XPO6: variants seen among roughly 807,000 people sequenced by gnomAD.
XPO6 encodes exportin 6.
Under a neutral mutation model 130.0 loss-of-function variants are expected in XPO6, and 3 were observed. The ratio of observed to expected loss-of-function variants is 0.02; its 90% CI spans 0.01 to 0.06. The LOEUF (loss-of-function observed/expected upper bound fraction) is 0.06, where lower values mean the gene tolerates loss of function less well. Among genes scored for constraint, XPO6 ranks in the 10% least tolerant of loss-of-function variants. XPO6 has a pLI of 1.00. For synonymous variants in XPO6, 524 were observed against 548.9 expected, an observed-to-expected ratio of 0.95 and a Z score of 0.63; for missense variants, 970 against 1,393.0, an observed-to-expected ratio of 0.70 and a Z score of 4.83.
chr16:28,207,114 G>A (rs547256185), intron 1 of XPO6, among the ~76,000 whole-genome samples: 2 of 152,194 alleles, frequency 1.3e-5, no homozygotes, highest in African/African-American at 4.8e-5. Flanking sequence ...CGGGTATGGT[G>A]GTGGGTGCCT....
chr16:28,188,625 A>C lies in XPO6; in HGVS notation c.4-7594T>G, dbSNP rs1328824583. On this transcript the variant is annotated intron_variant, in intron 1 of 23. Coordinates refer to ENST00000304658, the MANE Select transcript of XPO6 (RefSeq NM_015171.4). ...GCTAACAGGATTACCATAGATGTCT[A>C]AACTCTCAGATCATCACTCTCACTT... Among the ~76,000 whole-genome samples, 9 of 134,732 alleles carry C rather than the reference A, an allele frequency of 6.7e-5. 1 individual carries two copies. In the Admixed American group the frequency reaches 7.9e-4, roughly 12 times the overall value. The allele number at this position is 134,732 out of a possible 152,430, so 88.4% of individuals were successfully genotyped here. A position where few individuals can be genotyped will look rare whatever the true frequency, so the allele number is the denominator to read the frequency against.
intron 7 of XPO6, chr16:28,154,087 G>A: frequency 1.0e-6 from 1 of 985,162 alleles, no homozygotes; most frequent in Non-Finnish European, 1.2e-6. Context: ...TTAGAGACAG[G>A]AACATACAAA....
At chr16:28,130,267 C>A (rs867207389) in intron 12 of XPO6, among the ~76,000 whole-genome samples, 3 of 152,214 alleles carry the variant, frequency 2.0e-5, no homozygotes, top group Non-Finnish European at 4.4e-5. Flanking sequence ...CAGGAGTAGA[C>A]AAGAATCGCG....
intron 1 of XPO6, among the ~76,000 whole-genome samples, chr16:28,202,790 G>C (rs2043972758): frequency 6.6e-6 from 1 of 152,118 alleles, no homozygotes; most frequent in Non-Finnish European, 1.5e-5. Context: ...TGAAGCCATG[G>C]GAGGCTAAAC....
At chr16:28,118,528 T>C (rs898257019) in intron 14 of XPO6, among the ~76,000 whole-genome samples, 1 of 152,102 alleles carries the variant, frequency 6.6e-6, no homozygotes, top group African/African-American at 2.4e-5. Flanking sequence ...GCCAGGCTAA[T>C]TGTCGTATTT....
chr16:28,175,075 T>C (rs1003763881), intron 4 of XPO6, among the ~76,000 whole-genome samples: 3 of 152,112 alleles, frequency 2.0e-5, no homozygotes, highest in Non-Finnish European at 4.4e-5. Context: ...CCCAAATTCA[T>C]TCCCCTTCTT....
intron 1 of XPO6, among the ~76,000 whole-genome samples, chr16:28,181,686 A>G (rs2043618941): frequency 6.6e-6 from 1 of 152,066 alleles, no homozygotes. Context: ...CTGGCCATGG[A>G]TTCTTGGAGG....
At chr16:28,186,371 A>ATTTTTTT (rs1237138991) in intron 1 of XPO6, among the ~76,000 whole-genome samples, 4 of 10,134 alleles carry the variant, frequency 3.9e-4, no homozygotes, top group African/African-American at 1.2e-3. Flanking sequence ...TGCCCCAGTT[A>ATTTTTTT]TTCTTTTTTT....
intron 2 of XPO6, among the ~76,000 whole-genome samples, chr16:28,179,594 C>T (rs1351752802): frequency 6.6e-6 from 1 of 152,104 alleles, no homozygotes. Flanking sequence ...CACATGGTCT[C>T]GAGGTCCCTG....
rs769794809 is a variant in XPO6 at position 28,177,336 on chromosome 16, GA to G, written c.95-5del. 1 of 1,596,088 alleles carries G rather than the reference GA, an allele frequency of 6.3e-7. No individual in the cohort carries two copies. Among genetic ancestry groups the G allele is most frequent in the Non-Finnish European group, 8.6e-7 (1 of 1,168,258 alleles). ...GCAAAGTTATTAAGAAGCTCCTCTGGAAAAGTTAAATGGCAACAAAAGAAAG... is the reference window on the plus strand; with the variant it reads ...GCAAAGTTATTAAGAAGCTCCTCTGGAAAGTTAAATGGCAACAAAAGAAAG... On this transcript the variant is annotated splice_region_variant and splice_polypyrimidine_tract_variant and intron_variant, in intron 2 of 23. Transcript: ENST00000304658.
intron 12 of XPO6, among the ~76,000 whole-genome samples, chr16:28,126,420 G>A (rs1314531335): frequency 6.6e-6 from 1 of 152,056 alleles, no homozygotes; most frequent in Non-Finnish European, 1.5e-5. Flanking sequence ...AAGAGTATGG[G>A]ACTTGGATTC....
chr16:28,160,184 TAA>T (rs56947792), intron 6 of XPO6, among the ~76,000 whole-genome samples: 2,341 of 76,122 alleles, frequency 0.031, 90 homozygotes, highest in African/African-American at 0.064. Context: ...GCCTCCGTCT[TAA>T]AAAAAAAAAA....
At chr16:28,104,488 T>C in intron 21 of XPO6, 58 bp downstream of exon 21, 1 of 1,590,166 alleles carries the variant, frequency 6.3e-7, no homozygotes, top group Non-Finnish European at 8.6e-7. Context: ...AAGACAGGAC[T>C]CGCTGCAGTG....
intron 1 of XPO6, among the ~76,000 whole-genome samples, chr16:28,188,147 C>T (rs1369075323): frequency 6.6e-6 from 1 of 152,014 alleles, no homozygotes; most frequent in African/African-American, 2.4e-5. Flanking sequence ...TGCTATGTTG[C>T]CCAAGCTAGT....
Position 28,191,397 on chromosome 16 carries a change from C to T in XPO6, c.4-10366G>A, listed in dbSNP as rs75762854. On this transcript the variant is annotated intron_variant, in intron 1 of 23. Transcript: ENST00000304658. ...TTCACAGTCCCATCTGCTTCCCTTTCCCAGGTACATATCCCAGGAGGATGG... is the reference window on the plus strand; with the variant it reads ...TTCACAGTCCCATCTGCTTCCCTTTTCCAGGTACATATCCCAGGAGGATGG... Among the ~76,000 whole-genome samples the T allele has an allele frequency of 5.3e-4, 80 of 152,328 alleles. 1 individual carries two copies. The East Asian group carries it at 0.015, about 28-fold the overall frequency.
chr16:28,154,071 C>T (rs896357457), intron 7 of XPO6: 17 of 985,280 alleles, frequency 1.7e-5, no homozygotes, highest in Non-Finnish European at 1.9e-5. Context: ...CTAAAATCAA[C>T]TGTTTTTAGA....
chr16:28,177,363 C>T, intron 2 of XPO6, 31 bp from the exon 3 acceptor site: 1 of 1,364,536 alleles, frequency 7.3e-7, no homozygotes. Context: ...CAAAAGAAAG[C>T]TATGAAAATA....
chr16:28,113,364 G>T (rs750201067), intron 15 of XPO6, among the ~76,000 whole-genome samples: 18 of 151,972 alleles, frequency 1.2e-4, no homozygotes, highest in Non-Finnish European at 2.2e-4. Flanking sequence ...ACACTCCCTG[G>T]CATGTCATCC....
chr16:28,111,739 G>C, intron 17 of XPO6, 78 bp downstream of exon 17: 1 of 1,533,364 alleles, frequency 6.5e-7, no homozygotes, highest in Non-Finnish European at 8.8e-7. Flanking sequence ...AGGAGCCTCC[G>C]GGGCAAATCT....
Sources: gnomAD v4.1 joint callset for allele counts (sites outside exome capture counted in the v4.1 genomes callset) on GRCh38, gnomAD v4.1.1 for gene constraint, MANE v1.5 for transcripts, NCBI Gene and HGNC (gene_info 2026-07-23, HGNC 2026-07-21) for gene names.